SVEP1: variants seen among roughly 807,000 people sequenced by gnomAD.
SVEP1 encodes the protein sushi, von Willebrand factor type A, EGF and pentraxin domain-containing protein 1.
SVEP1 carries 164 observed loss-of-function variants against 367.3 expected under a neutral mutation model. That is an observed-to-expected ratio of 0.45 (90% CI 0.39 to 0.51). The LOEUF (loss-of-function observed/expected upper bound fraction) is 0.51, where lower values mean the gene tolerates loss of function less well. SVEP1 is among the 20% of genes least tolerant of loss of function. SVEP1 has a pLI of 0.00. For synonymous variants in SVEP1, 1,666 were observed against 1,611.6 expected (o/e 1.03, Z -0.81); for missense variants, 4,117 against 4,425.3 (o/e 0.93, Z 1.98).
chr9:110,411,302 T>C lies in SVEP1; in HGVS notation c.6409A>G (p.Met2137Val), dbSNP rs372974510. Reference sequence around the variant, plus strand: ...CGCACAGGGATGCACTGGATGGACATGGGGGAAGGGTTCCACTGCCCACCT... The same window carrying C: ...CGCACAGGGATGCACTGGATGGACACGGGGGAAGGGTTCCACTGCCCACCT... ...MRGGQWNPSP[M>V]SIQCIPVRCG... Residue 2137 changes from methionine to valine, a missense_variant, in exon 37 of 48, where the codon ATG (methionine) becomes GTG (valine). Physicochemically the swap from Met to Val is conservative, Grantham distance 21 (BLOSUM62 1). Around this residue, in one of 4 missense-constraint regions of SVEP1, gnomAD observed 1,765 missense variants for 1,781.1 expected, o/e 0.99. Coordinates refer to ENST00000374469, the MANE Select transcript of SVEP1 (RefSeq NM_153366.4). 10 of 1,614,030 alleles carry C rather than the reference T, an allele frequency of 6.2e-6. No homozygotes were observed. Among genetic ancestry groups the C allele is most frequent in the South Asian group, 2.2e-5 (2 of 91,086 alleles).
At chr9:110,477,805 C>T (rs1829120038) in intron 13 of SVEP1, among the ~76,000 whole-genome samples, 1 of 152,154 alleles carries the variant, frequency 6.6e-6, no homozygotes, top group Non-Finnish European at 1.5e-5. Context: ...CCTCCAGTGC[C>T]ACCCAAGCCA....
intron 11 of SVEP1, 53 bp from the exon 12 acceptor site, chr9:110,481,489 T>G (rs2118702563): frequency 7.7e-7 from 1 of 1,303,898 alleles, no homozygotes; most frequent in Non-Finnish European, 1.0e-6. Flanking sequence ...AAGCATAAAT[T>G]AAATTCCAGG....
chr9:110,411,772 T>A (rs1301875348), intron 36 of SVEP1, 37 bp from the exon 37 acceptor site: 2 of 1,446,506 alleles, frequency 1.4e-6, no homozygotes. Flanking sequence ...TAACTAAGCA[T>A]AATATTTGAG....
chr9:110,405,536 ATATG>A (rs1165860399), intron 38 of SVEP1, among the ~76,000 whole-genome samples: 2 of 151,522 alleles, frequency 1.3e-5, no homozygotes, highest in African/African-American at 2.4e-5. Flanking sequence ...AGCATAATTA[ATATG>A]TATTATGAAT....
At chr9:110,500,238 T>C (rs930684810) in intron 6 of SVEP1, among the ~76,000 whole-genome samples, 11 of 152,148 alleles carry the variant, frequency 7.2e-5, no homozygotes, top group African/African-American at 2.7e-4. Flanking sequence ...CTGCATGCCA[T>C]CCCAGACCTC....
chr9:110,511,346 T>G (rs1829708183), intron 5 of SVEP1, among the ~76,000 whole-genome samples: 1 of 152,116 alleles, frequency 6.6e-6, no homozygotes, highest in Admixed American at 6.5e-5. Context: ...AGAGTCTATT[T>G]CCTGTGACTA....
chr9:110,517,806 A>T (rs1335403816), intron 3 of SVEP1, among the ~76,000 whole-genome samples: 1 of 150,986 alleles, frequency 6.6e-6, no homozygotes, highest in Non-Finnish European at 1.5e-5. Context: ...GAAAGAAATT[A>T]AAAAAAGATT....
At chr9:110,430,090 T>G in intron 33 of SVEP1, 86 bp from the exon 34 acceptor site, 2 of 1,437,386 alleles carry the variant, frequency 1.4e-6, no homozygotes, top group Non-Finnish European at 1.9e-6. Context: ...CAAGATCTTT[T>G]TTTGTTTGTT....
chr9:110,389,453 A>C lies in SVEP1; in HGVS notation c.9886+71T>G, dbSNP rs2118968773. 3 of 1,566,636 alleles carry C rather than the reference A, an allele frequency of 1.9e-6. No individual in the cohort carries two copies. In the South Asian group the frequency reaches 3.5e-5, roughly 18 times the overall value. ...TTAATTACAAAACTAACCTATAAAG[A>C]AAATGTAGCCACACTGTTATTTTGT... On this transcript the variant is annotated intron_variant, in intron 41 of 47. Coordinates refer to ENST00000374469, the MANE Select transcript of SVEP1 (RefSeq NM_153366.4).
intron 3 of SVEP1, among the ~76,000 whole-genome samples, chr9:110,517,597 C>A (rs192922776): frequency 0.016 from 1,968 of 125,774 alleles, 56 homozygotes; most frequent in African/African-American, 0.055. Flanking sequence ...GACGCTATCT[C>A]AAAAAAAAAA....
chr9:110,439,704 T>C (rs1212211899), intron 27 of SVEP1, among the ~76,000 whole-genome samples: 1 of 152,090 alleles, frequency 6.6e-6, no homozygotes, highest in East Asian at 1.9e-4. Flanking sequence ...CCGGCCAATG[T>C]TGGTTATTTA....
chr9:110,370,775 T>G (rs2118936100), intron 46 of SVEP1, among the ~76,000 whole-genome samples: 1 of 152,266 alleles, frequency 6.6e-6, no homozygotes, highest in Non-Finnish European at 1.5e-5. Flanking sequence ...TTTTAGCAAG[T>G]GTAACATATC....
chr9:110,503,473 G>A (rs1356630926), intron 5 of SVEP1, among the ~76,000 whole-genome samples: 1 of 152,154 alleles, frequency 6.6e-6, no homozygotes, highest in South Asian at 2.1e-4. Context: ...CTGTCTAAGA[G>A]GCCTGGCCCT....
intron 43 of SVEP1, among the ~76,000 whole-genome samples, chr9:110,381,013 T>C (rs1267138528): frequency 6.6e-6 from 1 of 152,222 alleles, no homozygotes; most frequent in African/African-American, 2.4e-5. Flanking sequence ...ATAGAAGTGT[T>C]TATAGTATTC....
chr9:110,465,733 C>T (rs1828926038), intron 18 of SVEP1, 132 bp downstream of exon 18: 1 of 1,190,624 alleles, frequency 8.4e-7, no homozygotes, highest in South Asian at 2.0e-5. Context: ...ACAAAAAAAC[C>T]TCTTTATGAA....
chr9:110,488,715 A>C (rs912902927), intron 9 of SVEP1, among the ~76,000 whole-genome samples: 3 of 151,722 alleles, frequency 2.0e-5, no homozygotes, highest in East Asian at 1.9e-4. Flanking sequence ...TTAAAAAAAA[A>C]CAAAACAAAT....
chr9:110,460,303 T>C (rs1011676553), intron 18 of SVEP1, among the ~76,000 whole-genome samples: 1 of 140,766 alleles, frequency 7.1e-6, no homozygotes, highest in African/African-American at 2.7e-5. Flanking sequence ...ATTTTGAGTT[T>C]TTTTGTTCAT....
intron 3 of SVEP1, among the ~76,000 whole-genome samples, chr9:110,537,638 T>G (rs1345145312): frequency 2.0e-5 from 3 of 151,920 alleles, no homozygotes; most frequent in Non-Finnish European, 2.9e-5. Context: ...CCAGCAAAAT[T>G]TCTGTAATGA....
intron 1 of SVEP1, among the ~76,000 whole-genome samples, chr9:110,564,355 A>ATTAT (rs1830465008): frequency 6.6e-6 from 1 of 152,186 alleles, no homozygotes; most frequent in African/African-American, 2.4e-5. Context: ...ACTTACCATA[A>ATTAT]AGAAAAAGTT....
Sources: allele counts gnomAD v4.1 joint callset (sites outside exome capture counted in the v4.1 genomes callset), GRCh38; gene constraint gnomAD v4.1.1; regional missense constraint gnomAD v4.1.1; transcripts MANE v1.5; gene names NCBI Gene and HGNC (gene_info 2026-07-23, HGNC 2026-07-21).